The following SLC25A41 variants were observed in gnomAD, a reference collection of about 807,000 sequenced individuals.
The protein encoded by SLC25A41 is solute carrier family 25 member 41, also known as mitochondrial carrier protein SCaMC-3L.
In SLC25A41, 35 loss-of-function variants were observed where a neutral mutation model predicts 34.7. The observed-to-expected ratio is 1.01, with a 90% confidence interval of 0.77 to 1.34. SLC25A41 has a LOEUF of 1.34. Among genes scored for constraint, SLC25A41 ranks in the 40% most tolerant of loss-of-function variants. The pLI is 0.00. For missense variants in SLC25A41, 492 were observed against 489.8 expected (o/e 1.00, Z -0.04); for synonymous variants, 190 against 209.9 (o/e 0.91, Z 0.82).
chr19:6,433,780 G>A, upstream of SLC25A41: 1 of 1,158,574 alleles, frequency 8.6e-7, no homozygotes. Context: ...TGGGAGGATT[G>A]TGTGGGGGAC....
Position 6,426,268 on chromosome 19 carries a change from C to CA in SLC25A41, c.*120_*121insT. 1 of 857,680 alleles carries CA rather than the reference C, an allele frequency of 1.2e-6. No homozygotes were observed. Among genetic ancestry groups the CA allele is most frequent in the Non-Finnish European group, 1.6e-6 (1 of 621,930 alleles). 53.1% of individuals were successfully genotyped at this position (857,680 alleles called of 1,614,324 possible). A position where few individuals can be genotyped will look rare whatever the true frequency, so the allele number is the denominator to read the frequency against. ...GAGCCCCACCCCCACCCCCAGCCTGCTTTTGCCACCAAAAACTGCCCCAGG... is the reference window on the plus strand; with the variant it reads ...GAGCCCCACCCCCACCCCCAGCCTGCATTTTGCCACCAAAAACTGCCCCAGG... On this transcript the variant is annotated 3_prime_UTR_variant, in exon 7 of 7. Transcript: ENST00000321510.
chr19:6,433,954 T>G (rs1159357733), upstream of SLC25A41, among the ~76,000 whole-genome samples: 5 of 151,802 alleles, frequency 3.3e-5, no homozygotes, highest in African/African-American at 1.2e-4. Flanking sequence ...ATTATTATCG[T>G]TTTTTTTGAG....
upstream of SLC25A41, among the ~76,000 whole-genome samples, chr19:6,435,380 G>C (rs890241075): frequency 6.6e-6 from 1 of 151,906 alleles, no homozygotes; most frequent in Non-Finnish European, 1.5e-5. Context: ...TCAGCCACCC[G>C]AGTGGCTAGG....
chr19:6,431,054 G>A (rs776137053), intron 2 of SLC25A41, among the ~76,000 whole-genome samples: 9 of 151,428 alleles, frequency 5.9e-5, no homozygotes, highest in Non-Finnish European at 1.0e-4. Flanking sequence ...GGGCTCAAGC[G>A]ATCTTCCCAC....
At chr19:6,428,418 AAAAG>A (rs780057318) in intron 4 of SLC25A41, among the ~76,000 whole-genome samples, 161 of 148,992 alleles carry the variant, frequency 1.1e-3, no homozygotes, top group Admixed American at 2.5e-3. Flanking sequence ...AAAAAAAAGA[AAAAG>A]AAAGAAAAAA....
At chr19:6,432,272 A>C in intron 1 of SLC25A41, 68 bp from the exon 2 acceptor site, 9 of 1,531,522 alleles carry the variant, frequency 5.9e-6, no homozygotes, top group Non-Finnish European at 7.9e-6. Context: ...ACACACATCT[A>C]GGGCACCCAC....
At position 6,427,287 on chromosome 19, in the gene SLC25A41, A is replaced by G; in HGVS notation, c.793-37T>C. ...GGGGGCCAGGAGAAAGCTCACTAGG[A>G]GCCTGGGCTCCGGCCAGCCCTGCCA... On this transcript the variant is annotated intron_variant, in intron 5 of 6. Transcript: ENST00000321510. The surrounding 1 kb of genome is among the most constrained non-coding windows in gnomAD (Gnocchi z 4.9). The G allele has an allele frequency of 6.2e-7, 1 of 1,608,962 alleles. No individual in the cohort carries two copies. The highest frequency in any genetic ancestry group is 1.7e-5 in the Admixed American group (1 of 59,808).
intron 2 of SLC25A41, 60 bp from the exon 3 acceptor site, chr19:6,430,221 T>G: frequency 6.6e-7 from 1 of 1,519,182 alleles, no homozygotes; most frequent in Non-Finnish European, 8.8e-7. Context: ...TCCCCATCCC[T>G]GCCCCAAGCG....
Position 6,427,004 on chromosome 19 carries a change from C to T in SLC25A41, c.940+99G>A, listed in dbSNP as rs186027551. The T allele has an allele frequency of 1.3e-3, 1,806 of 1,352,228 alleles. 10 individuals carry two copies. Among genetic ancestry groups the T allele is most frequent in the Non-Finnish European group, 8.6e-4 (858 of 993,806 alleles). The allele number at this position is 1,352,228 out of a possible 1,614,324, so 83.8% of individuals were successfully genotyped here. ...ATCAAAAGTGGGCTGGGATCAGACA[C>T]GGAGGGTGCCGGACTCAGTTTTGGG... On this transcript the variant is annotated intron_variant, in intron 6 of 6. Coordinates refer to ENST00000321510, the MANE Select transcript of SLC25A41 (RefSeq NM_173637.4). The surrounding 1 kb of genome is among the most constrained non-coding windows in gnomAD (Gnocchi z 4.9).
rs2092245099 is a variant in SLC25A41, at chr19:6,427,043, G to A, written c.940+60C>T. On this transcript the variant is annotated intron_variant, in intron 6 of 6. Coordinates refer to ENST00000321510, the MANE Select transcript of SLC25A41 (RefSeq NM_173637.4). The surrounding 1 kb of genome is among the most constrained non-coding windows in gnomAD (Gnocchi z 4.9). Reference sequence around the variant, plus strand: ...CTCAGTTTTGGGGTATGAGAAAATTGAGACAGCCAGGGTGGGGCGGGGAAG... The same window carrying A: ...CTCAGTTTTGGGGTATGAGAAAATTAAGACAGCCAGGGTGGGGCGGGGAAG... 4 of 1,530,636 alleles carry A rather than the reference G, an allele frequency of 2.6e-6. No homozygotes were observed. The highest frequency in any genetic ancestry group is 3.5e-6 in the Non-Finnish European group (4 of 1,133,038). The allele number at this position is 1,530,636 out of a possible 1,614,324, so 94.8% of individuals were successfully genotyped here.
intron 4 of SLC25A41, among the ~76,000 whole-genome samples, chr19:6,429,093 TGTTACATA>T (rs2092261805): frequency 8.2e-5 from 3 of 36,616 alleles, no homozygotes; most frequent in Admixed American, 6.3e-4. Flanking sequence ...ATTATATATA[TGTTACATA>T]TATATATAAT....
chr19:6,433,807 T>C, upstream of SLC25A41: 12 of 851,104 alleles, frequency 1.4e-5, no homozygotes, highest in Non-Finnish European at 1.9e-5. Context: ...GAGGATGAAG[T>C]CACAAACGCC....
At chr19:6,435,104 G>T (rs2092302738), upstream of SLC25A41, among the ~76,000 whole-genome samples, 1 of 151,420 alleles carries the variant, frequency 6.6e-6, no homozygotes, top group Admixed American at 6.6e-5. Flanking sequence ...CATGCCTGTG[G>T]TCCCAGCTAC....
intron 4 of SLC25A41, among the ~76,000 whole-genome samples, chr19:6,428,637 C>A (rs1322991164): frequency 3.4e-5 from 5 of 145,620 alleles, no homozygotes; most frequent in Admixed American, 1.4e-4. Context: ...ATAATATATA[C>A]ATGTTATATG....
In SLC25A41 at chr19:6,426,481, G is replaced by T. The variant is rs768520810; in HGVS notation, c.1021C>A (p.Arg341=). 6.2e-7 allele frequency: 1 copy of T among 1,613,672 alleles called. No homozygotes were observed. The highest frequency in any genetic ancestry group is 8.5e-7 in the Non-Finnish European group (1 of 1,179,848). Residue 341 remains arginine (R), a synonymous_variant, in exon 7 of 7, where the codon CGA becomes AGA. Transcript: ENST00000321510. Reference sequence around the variant, plus strand: ...TTCAGTAGCGTGGGGGTCATGCCTCGGTACAGCCCTAGCCAGCCCTGCTGG... The same window carrying T: ...TTCAGTAGCGTGGGGGTCATGCCTCTGTACAGCCCTAGCCAGCCCTGCTGG... ...LAQQGWLGLY[R]GMTPTLLKVL... is the part of the protein sequence containing the mutation.
intron 4 of SLC25A41, among the ~76,000 whole-genome samples, chr19:6,428,348 G>A (rs2092253573): frequency 6.7e-6 from 1 of 150,340 alleles, no homozygotes; most frequent in African/African-American, 2.4e-5. Flanking sequence ...GCAGTGAGCA[G>A]TGAGTCAAGA....
At chr19:6,434,654 A>G (rs1286412925), upstream of SLC25A41, among the ~76,000 whole-genome samples, 1 of 152,182 alleles carries the variant, frequency 6.6e-6, no homozygotes. Context: ...GACGCCTGTA[A>G]TCCCAGCACT....
In SLC25A41 at chr19:6,433,644, G is replaced by C. The variant is rs1417741995; in HGVS notation, c.50C>G (p.Thr17Arg). The change falls in exon 1 of 7, where the codon ACA (threonine) becomes AGA (arginine). Residue 17 changes from threonine to arginine, a missense_variant. By Grantham distance (71) the Thr-to-Arg change is moderately conservative. Transcript: ENST00000321510. ...TAAGGTCTTGACCCTCCTAAACAGT[G>C]TCTGGATCCTAGAGCAAGTGTTCTG... is the stretch of plus-strand genomic sequence containing the variant. ...EPQNTCSRIQTLFRRVKTLLI... is the reference protein window; with the variant it reads ...EPQNTCSRIQRLFRRVKTLLI... The C allele has an allele frequency of 6.2e-7, 1 of 1,601,230 alleles. No individual in the cohort carries two copies. Among genetic ancestry groups the C allele is most frequent in the Non-Finnish European group, 8.5e-7 (1 of 1,171,302 alleles).
chr19:6,427,839 A>G lies in SLC25A41; in HGVS notation c.625-338T>C, dbSNP rs2092251231. 6.6e-6 allele frequency among the ~76,000 whole-genome samples: 1 copy of G among 152,078 alleles called. No homozygotes were observed. Among genetic ancestry groups the G allele is most frequent in the Admixed American group, 6.5e-5 (1 of 15,274 alleles). The stretch of plus-strand genomic sequence containing the variant: ...CCATCTTTACAAAAAAATCAATAAA[A>G]TAAAAATAAGATGTATATGGAAACA... On this transcript the variant is annotated intron_variant, in intron 4 of 6. Transcript: ENST00000321510. The surrounding 1 kb of genome is among the most constrained non-coding windows in gnomAD (Gnocchi z 4.9).
Sources: gnomAD v4.1 joint callset for allele counts (sites outside exome capture counted in the v4.1 genomes callset) on GRCh38, gnomAD v4.1.1 for gene constraint, Gnocchi (gnomAD v3.1) non-coding constraint, MANE v1.5 for transcripts, NCBI Gene and HGNC (gene_info 2026-07-23, HGNC 2026-07-21) for gene names.